The following KCNH1 variants were observed in gnomAD, a reference collection of about 807,000 sequenced individuals.
The protein encoded by KCNH1 is potassium voltage-gated channel subfamily H member 1.
A neutral mutation model predicts 69.2 loss-of-function variants in KCNH1; 27 were observed. The ratio of observed to expected loss-of-function variants is 0.39; its 90% CI spans 0.29 to 0.54. The LOEUF (loss-of-function observed/expected upper bound fraction) is 0.54. KCNH1 is among the 20% of genes least tolerant of loss of function. The pLI is 0.68. For synonymous variants in KCNH1, 456 were observed against 487.7 expected (o/e 0.93, Z 0.86); for missense variants, 798 against 1,261.6 (o/e 0.63, Z 5.57).
intron 5 of KCNH1, among the ~76,000 whole-genome samples, chr1:211,061,167 A>T (rs192806176): frequency 3.9e-5 from 6 of 152,328 alleles, no homozygotes; most frequent in Non-Finnish European, 8.8e-5. Flanking sequence ...TATGCAAATT[A>T]ATCAGTGTGC....
chr1:210,889,037 C>T (rs1323367946), intron 7 of KCNH1, among the ~76,000 whole-genome samples: 1 of 152,168 alleles, frequency 6.6e-6, no homozygotes, highest in Non-Finnish European at 1.5e-5. Context: ...ACAGGGACTC[C>T]TCCCTAACTC....
chr1:210,694,473 C>T (rs1681595099), intron 10 of KCNH1, among the ~76,000 whole-genome samples: 1 of 152,124 alleles, frequency 6.6e-6, no homozygotes, highest in Non-Finnish European at 1.5e-5. Flanking sequence ...GCAGTATTCC[C>T]ATCCATGCTG....
intron 6 of KCNH1, among the ~76,000 whole-genome samples, chr1:210,987,756 C>T (rs1391087167): frequency 5.3e-5 from 8 of 152,204 alleles, no homozygotes; most frequent in African/African-American, 1.9e-4. Context: ...AGGCAGTCTG[C>T]CTGTTCTCAG....
At chr1:210,972,670 A>G (rs1688531824) in intron 6 of KCNH1, among the ~76,000 whole-genome samples, 1 of 152,164 alleles carries the variant, frequency 6.6e-6, no homozygotes, top group Non-Finnish European at 1.5e-5. Context: ...TTTCAGTGAT[A>G]GAACACAATG....
chr1:211,065,444 G>A (rs1690512539), intron 5 of KCNH1, among the ~76,000 whole-genome samples: 1 of 152,160 alleles, frequency 6.6e-6, no homozygotes, highest in South Asian at 2.1e-4. Context: ...TTGAATAGAA[G>A]TAGAGAGTAG....
chr1:211,120,206 T>C (rs1691660929), intron 1 of KCNH1, among the ~76,000 whole-genome samples: 1 of 147,424 alleles, frequency 6.8e-6, no homozygotes, highest in Non-Finnish European at 1.5e-5. Context: ...TTTTTTTTTT[T>C]GAGACAGGGT....
At chr1:210,724,553 T>C (rs1421687741) in intron 10 of KCNH1, among the ~76,000 whole-genome samples, 1 of 152,228 alleles carries the variant, frequency 6.6e-6, no homozygotes, top group African/African-American at 2.4e-5. Flanking sequence ...TTTGGCATAA[T>C]GTTTACTTTT....
chr1:210,789,982 G>A (rs935138417), intron 9 of KCNH1, among the ~76,000 whole-genome samples: 6 of 152,018 alleles, frequency 3.9e-5, no homozygotes, highest in Admixed American at 2.0e-4. Flanking sequence ...GTGTGATCAC[G>A]GTGCACTACA....
At chr1:210,778,195 G>A (rs890404568) in intron 9 of KCNH1, among the ~76,000 whole-genome samples, 3 of 152,182 alleles carry the variant, frequency 2.0e-5, no homozygotes, top group African/African-American at 7.2e-5. Context: ...GTGCAAGTGA[G>A]AACCAACCAG....
chr1:210,781,132 T>C (rs1053691507), intron 9 of KCNH1, among the ~76,000 whole-genome samples: 1 of 152,180 alleles, frequency 6.6e-6, no homozygotes, highest in Non-Finnish European at 1.5e-5. Context: ...CATTCACCTG[T>C]AGAAATGAGA....
chr1:211,074,242 T>C (rs183562024), intron 5 of KCNH1, among the ~76,000 whole-genome samples: 175 of 151,532 alleles, frequency 1.2e-3, no homozygotes, highest in Middle Eastern at 0.01. Flanking sequence ...GAAGAAAACA[T>C]AGATCAGATT....
At chr1:210,855,369 T>A (rs1466159440) in intron 7 of KCNH1, among the ~76,000 whole-genome samples, 1 of 152,168 alleles carries the variant, frequency 6.6e-6, no homozygotes, top group African/African-American at 2.4e-5. Context: ...TAAGCAAAAT[T>A]GATTTCCCCT....
chr1:210,994,922 T>G (rs1488750481), intron 6 of KCNH1, among the ~76,000 whole-genome samples: 4 of 152,242 alleles, frequency 2.6e-5, no homozygotes, highest in Non-Finnish European at 1.5e-5. Context: ...TATGCCAGAT[T>G]CATTAGATTC....
Position 210,860,222 on chromosome 1 carries a change from C to A in KCNH1, c.1463-56056G>T. 4.1e-6 allele frequency: 6 copies of A among 1,451,560 alleles called. No homozygotes were observed. In the South Asian group the frequency reaches 6.8e-5, roughly 17 times the overall value. 89.9% of individuals were successfully genotyped at this position (1,451,560 alleles called of 1,614,324 possible). On this transcript the variant is annotated intron_variant, in intron 7 of 10. Transcript: ENST00000271751. Reference sequence around the variant, plus strand: ...AGGGGCATCATATCTGTAAAGTAATCAAAGCCATCTTGCTGAAAGACTTCA... The same window carrying A: ...AGGGGCATCATATCTGTAAAGTAATAAAAGCCATCTTGCTGAAAGACTTCA...
At chr1:210,977,959 T>G (rs552348872) in intron 6 of KCNH1, among the ~76,000 whole-genome samples, 3 of 152,282 alleles carry the variant, frequency 2.0e-5, no homozygotes, top group African/African-American at 4.8e-5. Context: ...TTATTTCAGT[T>G]ATTGTACTTT....
intron 5 of KCNH1, among the ~76,000 whole-genome samples, chr1:211,079,365 C>T (rs1489664361): frequency 6.6e-6 from 1 of 152,202 alleles, no homozygotes; most frequent in Admixed American, 6.5e-5. Context: ...CAGATGGATT[C>T]ACAGCGAAAT....
At position 210,732,488 on chromosome 1, in the gene KCNH1, T is replaced by C. The variant is rs115023281; in HGVS notation, c.2112+42860A>G. Among the ~76,000 whole-genome samples the C allele has an allele frequency of 2.2e-3, 333 of 152,248 alleles. 1 individual carries two copies. The highest frequency in any genetic ancestry group is 7.8e-3 in the African/African-American group (323 of 41,574). ...TTTGCCCAATTTCACAAGCCAGCCA[T>C]CTCATCTATTGTGTGTTCATGACTC... On this transcript the variant is annotated intron_variant, in intron 10 of 10. Transcript: ENST00000271751.
intron 10 of KCNH1, among the ~76,000 whole-genome samples, chr1:210,756,044 C>A (rs1226832386): frequency 2.0e-5 from 3 of 152,158 alleles, no homozygotes; most frequent in Admixed American, 6.5e-5. Context: ...AGCTATGGAA[C>A]CCCTCATGGT....
At chr1:210,780,184 C>T (rs891121529) in intron 9 of KCNH1, among the ~76,000 whole-genome samples, 2 of 152,100 alleles carry the variant, frequency 1.3e-5, no homozygotes, top group African/African-American at 4.8e-5. Flanking sequence ...GATCTGAACC[C>T]TACAACTAAG....
Sources: allele counts gnomAD v4.1 joint callset (sites outside exome capture counted in the v4.1 genomes callset), GRCh38; gene constraint gnomAD v4.1.1; transcripts MANE v1.5; gene names NCBI Gene and HGNC (gene_info 2026-07-23, HGNC 2026-07-21).